Variants in PROX1 observed in about 807,000 individuals in gnomAD.
The protein encoded by PROX1 is prospero homeobox 1, also known as prospero homeobox protein 1.
In PROX1, 7 loss-of-function variants were observed where a neutral mutation model predicts 58.8. The ratio of observed to expected loss-of-function variants is 0.12; its 90% CI spans 0.07 to 0.22. The LOEUF is 0.22. Among genes scored for constraint, PROX1 ranks in the 10% least tolerant of loss-of-function variants. The pLI is 1.00. For synonymous variants in PROX1, 350 were observed against 358.3 expected, an observed-to-expected ratio of 0.98 and a Z score of 0.26; for missense variants, 675 against 927.8, an observed-to-expected ratio of 0.73 and a Z score of 3.54.
At chr1:214,033,636 G>C (rs1474322167) in intron 4 of PROX1, among the ~76,000 whole-genome samples, 1 of 152,172 alleles carries the variant, frequency 6.6e-6, no homozygotes, top group Non-Finnish European at 1.5e-5. Flanking sequence ...TTATGTTTCT[G>C]TAGCATTTGG....
Position 214,041,129 on chromosome 1 carries a change from G to A in PROX1, c.*5295G>A, listed in dbSNP as rs1315541881. On this transcript the variant is annotated 3_prime_UTR_variant, in exon 5 of 5. Transcript: ENST00000366958. ...TATACTCTCCAAACTTTTACCTTTT[G>A]CTTTGTACCACTTAAAGGATACAGT... 1 of 151,976 alleles carries A rather than the reference G, an allele frequency of 6.6e-6. No homozygotes were observed. Among genetic ancestry groups the A allele is most frequent in the Non-Finnish European group, 1.5e-5 (1 of 67,954 alleles). 9.4% of individuals were successfully genotyped at this position (151,976 alleles called of 1,614,324 possible).
chr1:214,015,722 A>ACTTGTGACTTT (rs1664071277), intron 4 of PROX1, among the ~76,000 whole-genome samples: 1 of 152,170 alleles, frequency 6.6e-6, no homozygotes, highest in Non-Finnish European at 1.5e-5. Context: ...GAATCATCCA[A>ACTTGTGACTTT]AGGTTGGAGG....
upstream of PROX1, chr1:213,984,556 T>A (rs1475035981): frequency 6.7e-6 from 1 of 149,862 alleles, no homozygotes; most frequent in Non-Finnish European, 1.5e-5. Context: ...GGCATTTCAC[T>A]TCCCCCCCAT....
At chr1:214,004,361 G>A (rs1663631204) in intron 2 of PROX1, among the ~76,000 whole-genome samples, 1 of 152,146 alleles carries the variant, frequency 6.6e-6, no homozygotes, top group African/African-American at 2.4e-5. Flanking sequence ...CAGATAAATA[G>A]GCCTTCTTAT....
chr1:213,983,500 G>T (rs535733914), upstream of PROX1, among the ~76,000 whole-genome samples: 4 of 152,300 alleles, frequency 2.6e-5, no homozygotes, highest in African/African-American at 9.6e-5. Flanking sequence ...TGCCCACTGC[G>T]CCCCCGCGTG....
chr1:214,028,172 G>T (rs926112098), intron 4 of PROX1, among the ~76,000 whole-genome samples: 1 of 152,052 alleles, frequency 6.6e-6, no homozygotes, highest in African/African-American at 2.4e-5. Flanking sequence ...TGCCTCATTT[G>T]GGGTAACTCG....
chr1:214,015,030 G>A (rs1011054554), intron 4 of PROX1, among the ~76,000 whole-genome samples: 2 of 152,182 alleles, frequency 1.3e-5, no homozygotes, highest in African/African-American at 4.8e-5. Flanking sequence ...GCCTTTATGA[G>A]TACAGGACCT....
chr1:213,998,005 C>T lies in PROX1; in HGVS notation c.1470C>T (p.Ala490=). Residue 490 remains alanine, a synonymous_variant, in exon 2 of 5, where the codon GCC becomes GCT. Coordinates refer to ENST00000366958, the MANE Select transcript of PROX1 (RefSeq NM_001270616.2). ...ACCCCTTCCCCCTTCCCTTGATGGCCTATCCATTTCAGAGCCCATTAGGTG... is the reference window on the plus strand; with the variant it reads ...ACCCCTTCCCCCTTCCCTTGATGGCTTATCCATTTCAGAGCCCATTAGGTG... ...FRHPFPLPLM[A]YPFQSPLGAP... 6.2e-7 allele frequency: 1 copy of T among 1,613,060 alleles called. No individual in the cohort carries two copies. The highest frequency in any genetic ancestry group is 8.5e-7 in the Non-Finnish European group (1 of 1,179,420).
chr1:214,011,178 T>C (rs1199662304), intron 3 of PROX1, among the ~76,000 whole-genome samples: 1 of 152,112 alleles, frequency 6.6e-6, no homozygotes, highest in African/African-American at 2.4e-5. Flanking sequence ...ATGGCTTCAA[T>C]GAATGTCCAT....
Position 213,996,454 on chromosome 1 carries a change from T to C in PROX1, c.-67-15T>C. ...AAAGAAAATGATTCATCAGTCCTTT[T>C]GTTCTGTTGGCCAGGGTCCCGGGAT... On this transcript the variant is annotated splice_polypyrimidine_tract_variant and intron_variant, in intron 1 of 4. Coordinates refer to ENST00000366958, the MANE Select transcript of PROX1 (RefSeq NM_001270616.2). 3 of 1,478,880 alleles carry C rather than the reference T, an allele frequency of 2.0e-6. No homozygotes were observed. In the South Asian group the frequency reaches 4.1e-5, roughly 20 times the overall value. The allele number at this position is 1,478,880 out of a possible 1,614,324, so 91.6% of individuals were successfully genotyped here.
At chr1:214,027,438 C>A (rs1057493961) in intron 4 of PROX1, among the ~76,000 whole-genome samples, 1 of 152,208 alleles carries the variant, frequency 6.6e-6, no homozygotes, top group African/African-American at 2.4e-5. Flanking sequence ...AAAGCTCTGT[C>A]TCTCAAGACA....
rs1558193552 is a variant in PROX1 at position 214,039,178 on chromosome 1, T to C, written c.*3344T>C. On this transcript the variant is annotated 3_prime_UTR_variant, in exon 5 of 5. Coordinates refer to ENST00000366958, the MANE Select transcript of PROX1 (RefSeq NM_001270616.2). ...TAGATTTAAGAACCTATTTTAGACATTTGTTATGTTTTGTGAAAAGAATGT... is the reference window on the plus strand; with the variant it reads ...TAGATTTAAGAACCTATTTTAGACACTTGTTATGTTTTGTGAAAAGAATGT... 6.6e-6 allele frequency: 1 copy of C among 152,180 alleles called. No homozygotes were observed. The highest frequency in any genetic ancestry group is 2.4e-5 in the African/African-American group (1 of 41,448). The allele number at this position is 152,180 out of a possible 1,614,324, so 9.4% of individuals were successfully genotyped here.
chr1:214,008,809 CTA>C (rs1346320315), intron 3 of PROX1, among the ~76,000 whole-genome samples: 2 of 152,186 alleles, frequency 1.3e-5, no homozygotes, highest in Non-Finnish European at 2.9e-5. Flanking sequence ...GAGCAAGAAT[CTA>C]AACAAAGTTC....
chr1:214,011,635 A>G lies in PROX1; in HGVS notation c.1948A>G (p.Thr650Ala). Reference sequence around the variant, plus strand: ...AGCCATCAACGATGGGGTCACCAGTACTGAAGAGCTGTCTATAACCAGAGA... The same window carrying G: ...AGCCATCAACGATGGGGTCACCAGTGCTGAAGAGCTGTCTATAACCAGAGA... ...RQAINDGVTS[T>A]EELSITRDCE... The change falls in exon 4 of 5, where the codon ACT becomes GCT. Residue 650 changes from threonine (T) to alanine (A), a missense_variant. By Grantham distance (58) the Thr-to-Ala change is moderately conservative. This residue lies in a region of PROX1 where 50 missense variants were observed against 79.3 expected (regional missense o/e 0.63). Transcript: ENST00000366958. 1.2e-6 allele frequency: 2 copies of G among 1,614,134 alleles called. No individual in the cohort carries two copies. The highest frequency in any genetic ancestry group is 1.1e-5 in the South Asian group (1 of 91,084).
At chr1:214,035,199 G>GT (rs1160629005) in intron 4 of PROX1, among the ~76,000 whole-genome samples, 1 of 152,142 alleles carries the variant, frequency 6.6e-6, no homozygotes, top group Non-Finnish European at 1.5e-5. Flanking sequence ...TAAAGCTTGG[G>GT]TTTAATTTAT....
At chr1:213,995,200 T>A (rs1663215637) in intron 1 of PROX1, among the ~76,000 whole-genome samples, 3 of 148,176 alleles carry the variant, frequency 2.0e-5, no homozygotes, top group Non-Finnish European at 3.0e-5. Flanking sequence ...GTGAAAAAAA[T>A]TTTCATTTTC....
intron 4 of PROX1, among the ~76,000 whole-genome samples, chr1:214,025,248 T>A (rs1664411776): frequency 6.6e-6 from 1 of 152,174 alleles, no homozygotes; most frequent in Admixed American, 6.5e-5. Context: ...ATCGGGGGAA[T>A]GGTCTGGCCT....
chr1:214,026,385 C>T (rs1025760520), intron 4 of PROX1, among the ~76,000 whole-genome samples: 1 of 152,178 alleles, frequency 6.6e-6, no homozygotes, highest in Non-Finnish European at 1.5e-5. Flanking sequence ...TGTCATTCTG[C>T]TCCTAGCAAG....
chr1:213,994,152 A>G (rs1469917922), intron 1 of PROX1, among the ~76,000 whole-genome samples: 1 of 152,206 alleles, frequency 6.6e-6, no homozygotes, highest in Non-Finnish European at 1.5e-5. Context: ...CTCATCAGCG[A>G]CACCAGTCTG....
Sources: allele counts gnomAD v4.1 joint callset (sites outside exome capture counted in the v4.1 genomes callset), GRCh38; gene constraint gnomAD v4.1.1; regional missense constraint gnomAD v4.1.1; transcripts MANE v1.5; gene names NCBI Gene and HGNC (gene_info 2026-07-23, HGNC 2026-07-21).